Variants in ESR1 observed in about 807,000 individuals in gnomAD.
ESR1 encodes estrogen receptor.
In ESR1, 12 loss-of-function variants were observed where a neutral mutation model predicts 52.7. That is an observed-to-expected ratio of 0.23 (90% CI 0.15 to 0.37). The LOEUF (loss-of-function observed/expected upper bound fraction) is 0.37, where lower values mean the gene tolerates loss of function less well. Ranked by LOEUF, ESR1 falls within the 10% of genes least tolerant of loss-of-function variation. The pLI is 1.00. For synonymous variants in ESR1, 305 were observed against 316.8 expected (o/e 0.96, Z 0.39); for missense variants, 584 against 779.7 (o/e 0.75, Z 2.99).
intron 2 of ESR1, among the ~76,000 whole-genome samples, chr6:151,843,156 A>T (rs911153220): frequency 1.3e-5 from 2 of 152,288 alleles, no homozygotes; most frequent in Middle Eastern, 3.4e-3. Flanking sequence ...TGCCTATATG[A>T]TCTGGTATAT....
chr6:151,985,538 AAC>A (rs1198493977), intron 4 of ESR1, among the ~76,000 whole-genome samples: 9,535 of 135,860 alleles, frequency 0.07, 816 homozygotes, highest in African/African-American at 0.18. Context: ...AAAAAACACA[AAC>A]AAAAAAAAAA....
intron 2 of ESR1, among the ~76,000 whole-genome samples, chr6:151,865,541 T>C (rs1789728313): frequency 6.6e-6 from 1 of 152,218 alleles, no homozygotes; most frequent in South Asian, 2.1e-4. Flanking sequence ...TCCTGCAATT[T>C]AGTGCAGCTG....
At chr6:151,999,017 A>G (rs867418768) in intron 4 of ESR1, among the ~76,000 whole-genome samples, 1 of 152,080 alleles carries the variant, frequency 6.6e-6, no homozygotes, top group Non-Finnish European at 1.5e-5. Flanking sequence ...TAATGGTTGT[A>G]TCAGCGTCAA....
intron 5 of ESR1, among the ~76,000 whole-genome samples, chr6:152,018,360 G>T (rs1304999490): frequency 3.3e-5 from 5 of 149,730 alleles, no homozygotes; most frequent in Non-Finnish European, 5.9e-5. Context: ...ATATTTATTA[G>T]CTATCTTTTT....
intron 1 of ESR1, among the ~76,000 whole-genome samples, chr6:151,833,605 A>G (rs576968308): frequency 1.3e-5 from 2 of 152,290 alleles, no homozygotes; most frequent in East Asian, 1.9e-4. Context: ...TTTATTAATC[A>G]TCCAACTGTG....
intron 3 of ESR1, among the ~76,000 whole-genome samples, chr6:151,933,533 A>G (rs1376569212): frequency 6.6e-6 from 1 of 151,566 alleles, no homozygotes; most frequent in African/African-American, 2.4e-5. Context: ...GTCTTGTGCC[A>G]GTTTTCAAAG....
intron 4 of ESR1, among the ~76,000 whole-genome samples, chr6:151,982,203 A>G (rs548119343): frequency 1.8e-4 from 28 of 152,310 alleles, no homozygotes; most frequent in African/African-American, 6.5e-4. Context: ...GCCAGGGAAA[A>G]AGAGGGATGA....
chr6:151,911,186 T>C (rs561362051), intron 3 of ESR1, among the ~76,000 whole-genome samples: 21 of 152,290 alleles, frequency 1.4e-4, no homozygotes, highest in Admixed American at 1.3e-3. Flanking sequence ...TAATTAAATA[T>C]GTACATTTCT....
chr6:151,817,270 A>C (rs930106369), intron 1 of ESR1, among the ~76,000 whole-genome samples: 4 of 152,228 alleles, frequency 2.6e-5, no homozygotes, highest in Non-Finnish European at 5.9e-5. Context: ...TCAGTAGTTA[A>C]GAAAAACAAC....
chr6:151,718,829 T>C (rs10872678), intron 2 of ESR1, among the ~76,000 whole-genome samples: 48,913 of 152,004 alleles, frequency 0.32, 8,577 homozygotes, highest in African/African-American at 0.46. Flanking sequence ...CAGATGAGTG[T>C]CTATTTGTGG....
Position 152,098,590 on chromosome 6 carries a change from C to T in ESR1, c.1554-142C>T, listed in dbSNP as rs576738419. On this transcript the variant is annotated intron_variant, in intron 7 of 7. Transcript: ENST00000206249. The surrounding 1 kb of genome is among the most constrained non-coding windows in gnomAD (Gnocchi z 5.1). ...GCCCTCAGCTTTCCCAGCTCCCATCCTAAAGTGGGTCTTTAAACAGGAAGA... is the reference window on the plus strand; with the variant it reads ...GCCCTCAGCTTTCCCAGCTCCCATCTTAAAGTGGGTCTTTAAACAGGAAGA... The T allele has an allele frequency of 4.0e-6, 3 of 744,726 alleles. No individual in the cohort carries two copies. In the African/African-American group the frequency reaches 5.2e-5, roughly 13 times the overall value. 46.1% of individuals were successfully genotyped at this position (744,726 alleles called of 1,614,324 possible).
chr6:151,782,317 GTTTTTATAATCTCATT>G (rs1198911113), intron 2 of ESR1, among the ~76,000 whole-genome samples: 4 of 152,138 alleles, frequency 2.6e-5, no homozygotes, highest in Non-Finnish European at 5.9e-5. Flanking sequence ...ACAAGAATGT[GTTTTTATAATCTCATT>G]TTCTTACTTT....
At chr6:151,697,783 C>G (rs1779469058) in intron 1 of ESR1, among the ~76,000 whole-genome samples, 1 of 152,128 alleles carries the variant, frequency 6.6e-6, no homozygotes, top group Non-Finnish European at 1.5e-5. Context: ...TAGCTTTTGC[C>G]TTTAGCAAAC....
intron 2 of ESR1, among the ~76,000 whole-genome samples, chr6:151,864,138 A>G (rs776471676): frequency 2.6e-5 from 4 of 152,200 alleles, no homozygotes; most frequent in Non-Finnish European, 5.9e-5. Context: ...AGAAACTACC[A>G]TCAGACTGAA....
intron 4 of ESR1, among the ~76,000 whole-genome samples, chr6:151,999,780 G>T (rs1422993047): frequency 6.6e-6 from 1 of 152,050 alleles, no homozygotes; most frequent in Non-Finnish European, 1.5e-5. Context: ...TTACCCTGGG[G>T]TCCATAAATA....
intron 3 of ESR1, among the ~76,000 whole-genome samples, chr6:151,941,291 G>A (rs1376908119): frequency 1.3e-5 from 2 of 152,056 alleles, no homozygotes; most frequent in Non-Finnish European, 2.9e-5. Context: ...TTCCTGTAAG[G>A]CTTGATCGCA....
intron 2 of ESR1, among the ~76,000 whole-genome samples, chr6:151,721,011 G>A (rs1171095447): frequency 6.6e-6 from 1 of 152,182 alleles, no homozygotes; most frequent in Non-Finnish European, 1.5e-5. Context: ...CCTAGTATGG[G>A]CTTACAGTAC....
chr6:151,978,171 A>G (rs577697374), intron 4 of ESR1, among the ~76,000 whole-genome samples: 2 of 152,262 alleles, frequency 1.3e-5, no homozygotes, highest in East Asian at 1.9e-4. Flanking sequence ...GACCAAGCAG[A>G]TATGAAAATA....
chr6:151,901,570 A>G (rs1345159985), intron 3 of ESR1, among the ~76,000 whole-genome samples: 1 of 152,224 alleles, frequency 6.6e-6, no homozygotes, highest in Non-Finnish European at 1.5e-5. Flanking sequence ...GAGACAAGGT[A>G]GAAATGGCTT....
Sources: allele counts gnomAD v4.1 joint callset (sites outside exome capture counted in the v4.1 genomes callset), GRCh38; gene constraint gnomAD v4.1.1; non-coding constraint Gnocchi (gnomAD v3.1); transcripts MANE v1.5; gene names NCBI Gene and HGNC (gene_info 2026-07-23, HGNC 2026-07-21).